The following CFAP221 variants were observed in gnomAD, a reference collection of about 807,000 sequenced individuals.
CFAP221 encodes cilia- and flagella-associated protein 221.
CFAP221 carries 97 observed loss-of-function variants against 113.1 expected under a neutral mutation model. The observed-to-expected ratio is 0.86, with a 90% CI of 0.73 to 1.02. CFAP221 has a LOEUF of 1.02. Ranked by LOEUF, CFAP221 falls within the 50% of genes least tolerant of loss-of-function variation. CFAP221 has a pLI of 0.00. For missense variants in CFAP221, 1,025 were observed against 1,013.4 expected (o/e 1.01, Z -0.16); for synonymous variants, 331 against 354.4 (o/e 0.93, Z 0.74).
intron 19 of CFAP221, among the ~76,000 whole-genome samples, chr2:119,635,597 A>G (rs79446198): frequency 6.5e-4 from 99 of 152,308 alleles, no homozygotes; most frequent in African/African-American, 2.2e-3. Context: ...GGAAATGTTC[A>G]TTATGTTTAT....
intron 8 of CFAP221, chr2:119,602,749 T>C (rs1684453509): frequency 1.0e-6 from 1 of 985,288 alleles, no homozygotes; most frequent in Admixed American, 6.2e-5. Flanking sequence ...ATTTTTCTGG[T>C]GGCAAATAAG....
At chr2:119,625,488 G>A in intron 14 of CFAP221, 95 bp from the exon 15 acceptor site, 2 of 1,057,682 alleles carry the variant, frequency 1.9e-6, no homozygotes, top group Non-Finnish European at 2.8e-6. Context: ...GGCAGTCTCA[G>A]CTCTTAGTGT....
chr2:119,563,013 G>A (rs1348791905), intron 6 of CFAP221, among the ~76,000 whole-genome samples: 2 of 152,166 alleles, frequency 1.3e-5, no homozygotes, highest in Admixed American at 6.5e-5. Flanking sequence ...AGTTAGCCAG[G>A]TATGGTGATG....
chr2:119,621,755 C>G (rs1252196195), intron 14 of CFAP221, among the ~76,000 whole-genome samples: 1 of 152,208 alleles, frequency 6.6e-6, no homozygotes, highest in Non-Finnish European at 1.5e-5. Flanking sequence ...CGCACAACTA[C>G]ATGGAAACTG....
chr2:119,653,278 G>A (rs1253756988), intron 23 of CFAP221, among the ~76,000 whole-genome samples: 1 of 152,012 alleles, frequency 6.6e-6, no homozygotes, highest in Non-Finnish European at 1.5e-5. Context: ...GTGTTTGGGA[G>A]GCTGAGGCAG....
chr2:119,598,597 G>A (rs1391080830), intron 7 of CFAP221, among the ~76,000 whole-genome samples: 1 of 152,192 alleles, frequency 6.6e-6, no homozygotes, highest in African/African-American at 2.4e-5. Context: ...GAGCAATTTG[G>A]GGTGGGGGTT....
chr2:119,605,342 G>A (rs1684668510), intron 11 of CFAP221, 53 bp downstream of exon 11: 2 of 1,363,544 alleles, frequency 1.5e-6, no homozygotes, highest in South Asian at 2.4e-5. Flanking sequence ...ATTTTTAGGT[G>A]ATGATCTTTT....
intron 22 of CFAP221, among the ~76,000 whole-genome samples, chr2:119,649,355 A>G (rs780200305): frequency 1.3e-5 from 2 of 152,178 alleles, no homozygotes; most frequent in East Asian, 3.9e-4. Context: ...TGCACTTTCA[A>G]CTCACGATAT....
At chr2:119,600,070 C>T (rs866265635) in intron 7 of CFAP221, among the ~76,000 whole-genome samples, 1 of 152,140 alleles carries the variant, frequency 6.6e-6, no homozygotes, top group Non-Finnish European at 1.5e-5. Context: ...CAAGGGCAGA[C>T]GGTCTCATCT....
chr2:119,545,638 C>T (rs1679998829), intron 1 of CFAP221, among the ~76,000 whole-genome samples: 1 of 152,190 alleles, frequency 6.6e-6, no homozygotes. Context: ...ACAGTGCCTC[C>T]AAATGTTAAA....
chr2:119,649,972 C>T (rs1294669754), intron 22 of CFAP221, among the ~76,000 whole-genome samples: 1 of 152,154 alleles, frequency 6.6e-6, no homozygotes, highest in African/African-American at 2.4e-5. Context: ...ATTACACCAT[C>T]AGCTGTGATA....
At chr2:119,614,602 T>C (rs1172532231) in intron 13 of CFAP221, among the ~76,000 whole-genome samples, 3 of 152,140 alleles carry the variant, frequency 2.0e-5, no homozygotes, top group Non-Finnish European at 4.4e-5. Flanking sequence ...TCTTGAGAAC[T>C]AACTCACTAT....
At position 119,638,507 on chromosome 2, in the gene CFAP221, C is replaced by A. The variant is rs1269658477; in HGVS notation, c.2133+90C>A. ...GACAGGGTCACAGCTGGAATTGCGA[C>A]AAAGGTTTGCCGCCACAGCTGCAGA... On this transcript the variant is annotated intron_variant, in intron 20 of 23. Coordinates refer to ENST00000413369, the MANE Select transcript of CFAP221 (RefSeq NM_001271049.2). The A allele has an allele frequency of 3.3e-6, 5 of 1,497,850 alleles. No individual in the cohort carries two copies. The African/African-American group carries it at 5.5e-5, about 17-fold the overall frequency. 92.8% of individuals were successfully genotyped at this position (1,497,850 alleles called of 1,614,324 possible).
At chr2:119,571,448 CT>C (rs1202835937) in intron 6 of CFAP221, among the ~76,000 whole-genome samples, 3 of 147,858 alleles carry the variant, frequency 2.0e-5, no homozygotes, top group Admixed American at 6.7e-5. Context: ...CCAACAACCA[CT>C]TTTTTTTTCA....
intron 21 of CFAP221, 25 bp from the exon 22 acceptor site, chr2:119,646,933 G>T: frequency 6.3e-7 from 1 of 1,587,170 alleles, no homozygotes; most frequent in South Asian, 1.1e-5. Context: ...CTCTATCTTT[G>T]ACTGCTTGTG....
intron 6 of CFAP221, among the ~76,000 whole-genome samples, chr2:119,565,847 C>T (rs762003192): frequency 2.6e-5 from 4 of 152,188 alleles, no homozygotes; most frequent in African/African-American, 7.2e-5. Flanking sequence ...TACTAGAACA[C>T]GTTTTCAGCT....
chr2:119,559,391 A>G (rs1681055026), intron 3 of CFAP221, among the ~76,000 whole-genome samples: 1 of 146,076 alleles, frequency 6.8e-6, no homozygotes, highest in African/African-American at 2.5e-5. Flanking sequence ...AGTAACATTC[A>G]GGACTGTGGG....
chr2:119,643,630 C>CTT (rs1687628665), intron 21 of CFAP221, among the ~76,000 whole-genome samples: 1 of 152,080 alleles, frequency 6.6e-6, no homozygotes, highest in Non-Finnish European at 1.5e-5. Context: ...CTGCAACCTC[C>CTT]GCCTCCCAGG....
intron 11 of CFAP221, 81 bp downstream of exon 11, chr2:119,605,370 A>G: frequency 2.7e-6 from 3 of 1,097,150 alleles, no homozygotes; most frequent in Admixed American, 4.1e-5. Context: ...AGAGACAGTA[A>G]AATGTAATAA....
Sources: gnomAD v4.1 joint callset for allele counts (sites outside exome capture counted in the v4.1 genomes callset) on GRCh38, gnomAD v4.1.1 for gene constraint, MANE v1.5 for transcripts, NCBI Gene and HGNC (gene_info 2026-07-23, HGNC 2026-07-21) for gene names.